The following VWDE variants were observed in gnomAD, a reference collection of about 807,000 sequenced individuals.
The protein encoded by VWDE is von Willebrand factor D and EGF domain-containing protein.
A neutral mutation model predicts 178.4 loss-of-function variants in VWDE; 207 were observed. The ratio of observed to expected loss-of-function variants is 1.16; its 90% CI spans 1.04 to 1.30. The LOEUF (loss-of-function observed/expected upper bound fraction) is 1.30, where lower values mean the gene tolerates loss of function less well. Ranked by LOEUF, VWDE falls within the 50% of genes most tolerant of loss-of-function variation. The pLI is 0.00. For missense variants in VWDE, 2,287 were observed against 1,901.3 expected (o/e 1.20, Z -3.77); for synonymous variants, 738 against 651.4 (o/e 1.13, Z -2.02).
chr7:12,402,626 G>A (rs556125613), intron 1 of VWDE, among the ~76,000 whole-genome samples: 58 of 152,218 alleles, frequency 3.8e-4, no homozygotes, highest in African/African-American at 1.4e-3. Flanking sequence ...ACAGATATAT[G>A]TTATTACATG....
At chr7:12,372,107 G>A (rs7791259) in intron 10 of VWDE, among the ~76,000 whole-genome samples, 1 of 151,788 alleles carries the variant, frequency 6.6e-6, no homozygotes, top group African/African-American at 2.4e-5. Context: ...CTGCTAACGA[G>A]GTTAAAGTTT....
At chr7:12,351,540 T>C (rs1379849714) in intron 19 of VWDE, 33 bp downstream of exon 19, 21 of 1,518,634 alleles carry the variant, frequency 1.4e-5, no homozygotes, top group Non-Finnish European at 1.1e-5. Flanking sequence ...AGGAATTACT[T>C]GTCATTAGAT....
At chr7:12,368,549 C>T (rs1782983939) in intron 12 of VWDE, among the ~76,000 whole-genome samples, 1 of 152,106 alleles carries the variant, frequency 6.6e-6, no homozygotes, top group Admixed American at 6.6e-5. Flanking sequence ...GGCTGAAAAG[C>T]AGTGAGCTGG....
chr7:12,361,314 T>A (rs1782565139), intron 14 of VWDE, 52 bp downstream of exon 14: 10 of 1,537,334 alleles, frequency 6.5e-6, no homozygotes, highest in Non-Finnish European at 7.9e-6. Flanking sequence ...CATTATGAAA[T>A]GTTAAGTATT....
rs1448742005 is a variant in VWDE at position 12,344,228 on chromosome 7, G to T, written c.4045C>A (p.Leu1349Ile). Residue 1349 changes from leucine to isoleucine, a missense_variant, in exon 21 of 29, where the codon CTT (leucine) becomes ATT (isoleucine). By Grantham distance (5) the Leu-to-Ile change is conservative. Transcript: ENST00000275358. ...KCIKPNICQC[L>I]PGHGGATCDE... ...CAGGTTGCTCCACCATGTCCTGGAAGACACTGACAAATGTTAGGCTTAATA... is the reference window on the plus strand; with the variant it reads ...CAGGTTGCTCCACCATGTCCTGGAATACACTGACAAATGTTAGGCTTAATA... 6.4e-7 allele frequency: 1 copy of T among 1,551,196 alleles called. No individual in the cohort carries two copies. Among genetic ancestry groups the T allele is most frequent in the Non-Finnish European group, 8.7e-7 (1 of 1,146,634 alleles).
At chr7:12,349,597 G>T (rs913512393) in intron 19 of VWDE, among the ~76,000 whole-genome samples, 25 of 151,268 alleles carry the variant, frequency 1.7e-4, no homozygotes, top group African/African-American at 5.8e-4. Flanking sequence ...AATAATTTAA[G>T]TACCTATTAT....
chr7:12,399,010 T>C (rs1180834757), intron 1 of VWDE, among the ~76,000 whole-genome samples: 3 of 152,120 alleles, frequency 2.0e-5, no homozygotes, highest in Non-Finnish European at 2.9e-5. Context: ...TGTACCTTTG[T>C]AACAAACCTG....
chr7:12,368,044 G>C (rs924702544), intron 12 of VWDE, among the ~76,000 whole-genome samples: 2 of 151,710 alleles, frequency 1.3e-5, no homozygotes, highest in African/African-American at 4.8e-5. Context: ...AGAAAATCAC[G>C]TGTATTCAGA....
chr7:12,403,418 A>T (rs941838627), intron 1 of VWDE, among the ~76,000 whole-genome samples: 9 of 152,230 alleles, frequency 5.9e-5, no homozygotes, highest in Admixed American at 5.2e-4. Context: ...CAAGGGTCGT[A>T]GAGTAAGAGG....
At chr7:12,362,818 T>C (rs1354014995) in intron 13 of VWDE, among the ~76,000 whole-genome samples, 3 of 152,108 alleles carry the variant, frequency 2.0e-5, no homozygotes, top group Non-Finnish European at 4.4e-5. Context: ...GCCTAGCAGA[T>C]CTACCAGTGG....
At position 12,332,818 on chromosome 7, in the gene VWDE, C is replaced by G. The variant is rs533990627; in HGVS notation, c.4758+647G>C. ...ATATCAAGCTTCAAGAAGAAAATTT[C>G]TAATCAGTTGTCAAATTCTGGTACT... On this transcript the variant is annotated intron_variant, in intron 28 of 28. Transcript: ENST00000275358. 5.9e-5 allele frequency among the ~76,000 whole-genome samples: 9 copies of G among 152,270 alleles called. No homozygotes were observed. In the South Asian group the frequency reaches 1.9e-3, roughly 32 times the overall value.
At chr7:12,349,265 T>C (rs1303550259) in intron 19 of VWDE, among the ~76,000 whole-genome samples, 1 of 103,004 alleles carries the variant, frequency 9.7e-6, no homozygotes, top group Non-Finnish European at 2.0e-5. Context: ...AAATAAAATA[T>C]ATGATATTTA....
At chr7:12,390,093 A>C (rs768356733) in intron 2 of VWDE, among the ~76,000 whole-genome samples, 21 of 151,178 alleles carry the variant, frequency 1.4e-4, no homozygotes, top group Non-Finnish European at 1.0e-4. Context: ...TGAACCAGGG[A>C]GGTGGAGGCT....
intron 2 of VWDE, among the ~76,000 whole-genome samples, chr7:12,389,809 G>A (rs1323830681): frequency 2.6e-5 from 4 of 152,126 alleles, no homozygotes; most frequent in Admixed American, 6.5e-5. Context: ...CAATAAAATC[G>A]GGGAGAAGGA....
chr7:12,398,087 T>C (rs1784710240), intron 1 of VWDE, among the ~76,000 whole-genome samples: 1 of 152,116 alleles, frequency 6.6e-6, no homozygotes, highest in Non-Finnish European at 1.5e-5. Flanking sequence ...TGAATTATTC[T>C]ACCAAAAACA....
intron 19 of VWDE, 101 bp from the exon 20 acceptor site, chr7:12,344,570 A>C: frequency 1.2e-6 from 1 of 842,590 alleles, no homozygotes; most frequent in Non-Finnish European, 1.8e-6. Flanking sequence ...TGAAGTTTGA[A>C]TAGTTAACTA....
Position 12,403,766 on chromosome 7 carries a change from G to T in VWDE, c.-50C>A. 1.3e-6 allele frequency: 2 copies of T among 1,542,886 alleles called. No homozygotes were observed. The highest frequency in any genetic ancestry group is 1.8e-6 in the Non-Finnish European group (2 of 1,140,450). On this transcript the variant is annotated 5_prime_UTR_variant, in exon 1 of 29. Coordinates refer to ENST00000275358, the MANE Select transcript of VWDE (RefSeq NM_001135924.3). ...AGGCGTCGCAGAGCCCGGGCCGCGG[G>T]TGCCAGGAGGATGGGGCCACAGCAG...
chr7:12,339,817 G>T (rs949933425), intron 24 of VWDE, among the ~76,000 whole-genome samples: 1 of 151,956 alleles, frequency 6.6e-6, no homozygotes, highest in African/African-American at 2.4e-5. Context: ...ACTATATGAG[G>T]GAAAGTGTTA....
intron 1 of VWDE, among the ~76,000 whole-genome samples, chr7:12,399,542 T>C (rs1784802677): frequency 6.6e-6 from 1 of 152,138 alleles, no homozygotes; most frequent in South Asian, 2.1e-4. Flanking sequence ...ATAATATAAA[T>C]TAGAACAACA....
Sources: allele counts gnomAD v4.1 joint callset (sites outside exome capture counted in the v4.1 genomes callset), GRCh38; gene constraint gnomAD v4.1.1; transcripts MANE v1.5; gene names NCBI Gene and HGNC (gene_info 2026-07-23, HGNC 2026-07-21).